PABPC4L: variants seen among roughly 807,000 people sequenced by gnomAD.
The protein encoded by PABPC4L is polyadenylate-binding protein 4-like.
For synonymous variants in PABPC4L, 169 were observed against 164.1 expected (o/e 1.03, Z -0.23); for missense variants, 452 against 451.4 (o/e 1.00, Z -0.01).
At chr4:134,049,895 C>T in the PABPC4L span, among the ~76,000 whole-genome samples, 437 of 152,170 alleles carry the variant, frequency 2.9e-3, 5 homozygotes, top group African/African-American at 9.9e-3. Flanking sequence ...CTGTAAAATA[C>T]AAGAATCTCA....
chr4:134,201,458 A>G (rs1163180706), intron 1 of PABPC4L, among the ~76,000 whole-genome samples: 1 of 151,974 alleles, frequency 6.6e-6, no homozygotes. Flanking sequence ...CAGAGGCCCC[A>G]GCCGTGGAGT....
chr4:134,146,080 T>G, the PABPC4L span, among the ~76,000 whole-genome samples: 1 of 151,922 alleles, frequency 6.6e-6, no homozygotes. Context: ...CTTTTATATT[T>G]GGATAATAAA....
chr4:133,991,011 G>T, the PABPC4L span, among the ~76,000 whole-genome samples: 1 of 151,918 alleles, frequency 6.6e-6, no homozygotes, highest in Non-Finnish European at 1.5e-5. Flanking sequence ...TTTTTTGTTT[G>T]TTTGTTTTGC....
chr4:133,993,625 T>A, the PABPC4L span, among the ~76,000 whole-genome samples: 1 of 152,212 alleles, frequency 6.6e-6, no homozygotes, highest in African/African-American at 2.4e-5. Context: ...GGGACATACC[T>A]ATGAGCTGGC....
chr4:134,041,990 T>C, the PABPC4L span, among the ~76,000 whole-genome samples: 1 of 152,092 alleles, frequency 6.6e-6, no homozygotes, highest in African/African-American at 2.4e-5. Context: ...CAGCTGACAA[T>C]TGCAAAGATA....
At chr4:133,989,398 G>C in the PABPC4L span, among the ~76,000 whole-genome samples, 1 of 152,144 alleles carries the variant, frequency 6.6e-6, no homozygotes, top group Non-Finnish European at 1.5e-5. Flanking sequence ...AAGTTCCACA[G>C]ATCTCTAGGG....
chr4:134,185,296 C>T, the PABPC4L span, among the ~76,000 whole-genome samples: 1 of 152,168 alleles, frequency 6.6e-6, no homozygotes. Flanking sequence ...CAATAAAATA[C>T]TGGCAAACCG....
chr4:134,197,521 C>G lies in PABPC4L; in HGVS notation c.*2386G>C, dbSNP rs1478341211. The G allele has an allele frequency of 6.6e-6, 1 of 151,544 alleles. No individual in the cohort carries two copies. Among genetic ancestry groups the G allele is most frequent in the Non-Finnish European group, 1.5e-5 (1 of 67,616 alleles). The allele number at this position is 151,544 out of a possible 1,614,324, so 9.4% of individuals were successfully genotyped here. On this transcript the variant is annotated 3_prime_UTR_variant, in exon 2 of 2. Transcript: ENST00000421491. Reference sequence around the variant, plus strand: ...AGCTTAACATTCAATTTTGGAATAACCTTCAAAACTATAAAGACAGTGAAA... The same window carrying G: ...AGCTTAACATTCAATTTTGGAATAAGCTTCAAAACTATAAAGACAGTGAAA...
chr4:134,147,543 A>G, the PABPC4L span, among the ~76,000 whole-genome samples: 1 of 152,134 alleles, frequency 6.6e-6, no homozygotes, highest in African/African-American at 2.4e-5. Flanking sequence ...CATTTGTATA[A>G]ATTTACTTAT....
At chr4:134,142,136 A>G in the PABPC4L span, among the ~76,000 whole-genome samples, 4 of 151,784 alleles carry the variant, frequency 2.6e-5, no homozygotes, top group Admixed American at 6.6e-5. Flanking sequence ...AGAAATATCA[A>G]TTGAACTAAG....
At chr4:133,998,726 T>A in the PABPC4L span, among the ~76,000 whole-genome samples, 2 of 151,880 alleles carry the variant, frequency 1.3e-5, no homozygotes, top group Non-Finnish European at 2.9e-5. Flanking sequence ...TCAAAGAAGA[T>A]GATAATTATG....
chr4:134,054,252 G>A, the PABPC4L span, among the ~76,000 whole-genome samples: 1,130 of 93,462 alleles, frequency 0.012, 27 homozygotes, highest in Non-Finnish European at 0.018. Context: ...AGTTGTATAT[G>A]TATATATATA....
the PABPC4L span, among the ~76,000 whole-genome samples, chr4:134,083,789 A>G: frequency 1.3e-5 from 2 of 152,174 alleles, no homozygotes; most frequent in South Asian, 2.1e-4. Flanking sequence ...TAATACATAC[A>G]TTCTAGACCA....
At chr4:134,189,674 G>T in the PABPC4L span, among the ~76,000 whole-genome samples, 1 of 152,050 alleles carries the variant, frequency 6.6e-6, no homozygotes, top group East Asian at 1.9e-4. Flanking sequence ...GAAGCATCCT[G>T]TAGTCTTATG....
the PABPC4L span, among the ~76,000 whole-genome samples, chr4:134,137,155 A>G: frequency 6.6e-6 from 1 of 152,026 alleles, no homozygotes. Context: ...TTGTTCAGGA[A>G]AAAACAAAAA....
the PABPC4L span, among the ~76,000 whole-genome samples, chr4:134,133,531 G>A: frequency 6.7e-6 from 1 of 150,230 alleles, no homozygotes. Context: ...GGCATTTGCA[G>A]CAACTTGAAT....
chr4:134,174,863 T>A, the PABPC4L span, among the ~76,000 whole-genome samples: 3 of 152,200 alleles, frequency 2.0e-5, no homozygotes, highest in African/African-American at 4.8e-5. Context: ...TTGATTGATG[T>A]TGTTTTTATA....
At chr4:134,057,775 T>C in the PABPC4L span, among the ~76,000 whole-genome samples, 1 of 152,132 alleles carries the variant, frequency 6.6e-6, no homozygotes, top group Non-Finnish European at 1.5e-5. Context: ...CAACACCATG[T>C]CATTTCTTGT....
the PABPC4L span, among the ~76,000 whole-genome samples, chr4:134,189,567 ATG>A: frequency 1.3e-3 from 195 of 151,470 alleles, no homozygotes; most frequent in African/African-American, 3.5e-3. Context: ...CACATATATA[ATG>A]TGTGTGTGTG....
Sources: allele counts gnomAD v4.1 joint callset (sites outside exome capture counted in the v4.1 genomes callset), GRCh38; gene constraint gnomAD v4.1.1; transcripts MANE v1.5; gene names NCBI Gene and HGNC (gene_info 2026-07-23, HGNC 2026-07-21).